DIS3: variants seen among roughly 807,000 people sequenced by gnomAD.
DIS3 encodes exosome complex exonuclease RRP44.
In DIS3, 103 loss-of-function variants were observed where a neutral mutation model predicts 113.0. That is an observed-to-expected ratio of 0.91 (90% CI 0.78 to 1.07). DIS3 has a LOEUF of 1.07. DIS3 is among the 50% of genes least tolerant of loss of function. The probability of loss-of-function intolerance (pLI) is 0.00; values close to 1 mark genes in which losing one functional copy is unlikely to be tolerated. For missense variants in DIS3, 1,121 were observed against 1,167.1 expected, an observed-to-expected ratio of 0.96 and a Z score of 0.58; for synonymous variants, 402 against 394.3, an observed-to-expected ratio of 1.02 and a Z score of -0.23.
At chr13:72,760,803 A>G in intron 19 of DIS3, 152 bp from the exon 20 acceptor site, 1 of 840,870 alleles carries the variant, frequency 1.2e-6, no homozygotes, top group Non-Finnish European at 1.8e-6. Flanking sequence ...CAAACCTAGT[A>G]GTCTCATATA....
intron 15 of DIS3, among the ~76,000 whole-genome samples, chr13:72,764,349 T>C (rs2033699772): frequency 6.6e-6 from 1 of 152,166 alleles, no homozygotes; most frequent in Non-Finnish European, 1.5e-5. Flanking sequence ...TTTTTAACAA[T>C]AAATTACTCA....
At position 72,763,449 on chromosome 13, in the gene DIS3, A is replaced by ACC; in HGVS notation, c.2127_2127+1dup. On this transcript the variant is annotated splice_donor_variant, in intron 16 of 20. Transcript: ENST00000377767. LOFTEE classifies it high-confidence loss of function. ...ATGATTTTTCAAACTGTAGGACCTT[A>ACC]CCCTTGACCTGGCTGCCTTAACAAG... 6.2e-7 allele frequency: 1 copy of ACC among 1,611,294 alleles called. No individual in the cohort carries two copies. Among genetic ancestry groups the ACC allele is most frequent in the Non-Finnish European group, 8.5e-7 (1 of 1,179,224 alleles).
intron 4 of DIS3, 28 bp from the exon 5 acceptor site, chr13:72,776,120 C>T (rs2034012677): frequency 6.4e-6 from 10 of 1,568,074 alleles, no homozygotes; most frequent in Middle Eastern, 1.7e-4. Flanking sequence ...CAAAAGATGC[C>T]GCTAATAAGT....
In DIS3 at chr13:72,753,740, A is replaced by G. The variant is rs756225392; in HGVS notation, c.*6055T>C. The G allele has an allele frequency of 2.5e-6, 4 of 1,613,616 alleles. No individual in the cohort carries two copies. The South Asian group carries it at 3.3e-5, about 13-fold the overall frequency. The stretch of plus-strand genomic sequence containing the variant: ...ATTGTGGAAGCAATATTATGGATAC[A>G]GTTGGGGCAGAAAGTTACTGCAAAG... On this transcript the variant is annotated 3_prime_UTR_variant, in exon 21 of 21. Coordinates refer to ENST00000377767, the MANE Select transcript of DIS3 (RefSeq NM_014953.5).
chr13:72,773,859 A>T, intron 7 of DIS3, 38 bp from the exon 8 acceptor site: 1 of 1,597,640 alleles, frequency 6.3e-7, no homozygotes, highest in Non-Finnish European at 8.5e-7. Flanking sequence ...ACACAAAAAA[A>T]ATCTGAGGAT....
rs371864555 is a variant in DIS3, at chr13:72,775,212, A to G, written c.986T>C (p.Met329Thr). Residue 329 changes from methionine to threonine, a missense_variant and splice_region_variant, in exon 6 of 21, where the codon ATG becomes ACG. By Grantham distance (81) the Met-to-Thr change is moderately conservative. Transcript: ENST00000377767. The part of the protein sequence containing the change: ...DVEKEEETER[M>T]LKTAVSEKML... ...AAAAAATCCTGCTTAGATTCATACCATTCGTTCTGTCTCTTCTTCTTTCTC... is the reference window on the plus strand; with the variant it reads ...AAAAAATCCTGCTTAGATTCATACCGTTCGTTCTGTCTCTTCTTCTTTCTC... 1,845 of 1,611,370 alleles carry G rather than the reference A, an allele frequency of 1.1e-3. 36 individuals carry two copies. In the South Asian group the frequency reaches 0.019, roughly 16 times the overall value.
Position 72,780,891 on chromosome 13 carries a change from T to C in DIS3, c.341A>G (p.Asn114Ser). 4 of 1,612,812 alleles carry C rather than the reference T, an allele frequency of 2.5e-6. No homozygotes were observed. The highest frequency in any genetic ancestry group is 3.4e-6 in the Non-Finnish European group (4 of 1,179,598). The stretch of plus-strand genomic sequence containing the variant: ...AGTATAGAAATGCTTCTCTTGGTTA[T>C]TAGTCACATCTCGGATGCGTTTATA... ...PVYKRIRDVT[N>S]NQEKHFYTFT... The change falls in exon 2 of 21, where the codon AAT (asparagine) becomes AGT (serine). Residue 114 changes from asparagine (N) to serine (S), a missense_variant. Transcript: ENST00000377767.
intron 5 of DIS3, 48 bp downstream of exon 5, chr13:72,775,877 A>C: frequency 6.9e-7 from 1 of 1,450,328 alleles, no homozygotes; most frequent in Non-Finnish European, 9.3e-7. Flanking sequence ...ATAATATATA[A>C]AATATCATCT....
In DIS3 at chr13:72,773,773, G is replaced by A. The variant is rs146500302; in HGVS notation, c.1150C>T (p.Arg384Cys). ...TPADKRIPRI[R>C]IETRQASTLE... The stretch of plus-strand genomic sequence containing the variant: ...GTGGAAGCCTGTCTGGTTTCTATGC[G>A]AATTCGAGGGATTCTCTTATCAGCA... The change falls in exon 8 of 21, where the codon CGC becomes TGC. Residue 384 changes from arginine (R) to cysteine (C), a missense_variant. Transcript: ENST00000377767. The A allele has an allele frequency of 6.6e-5, 107 of 1,613,808 alleles. No homozygotes were observed. The African/African-American group carries it at 8.5e-4, about 13-fold the overall frequency.
intron 2 of DIS3, 54 bp from the exon 3 acceptor site, chr13:72,778,434 T>A: frequency 6.9e-7 from 1 of 1,447,906 alleles, no homozygotes; most frequent in Non-Finnish European, 9.3e-7. Context: ...CAAGGATATG[T>A]GAAAACTCTT....
chr13:72,767,845 T>C (rs538578369), intron 14 of DIS3, among the ~76,000 whole-genome samples: 4 of 152,210 alleles, frequency 2.6e-5, no homozygotes, highest in Admixed American at 2.6e-4. Context: ...CTAGAGGGGC[T>C]TGGGAACTCT....
chr13:72,777,748 C>T (rs1042978566), intron 3 of DIS3, among the ~76,000 whole-genome samples: 3 of 151,066 alleles, frequency 2.0e-5, no homozygotes, highest in Admixed American at 6.6e-5. Flanking sequence ...CTACCATGCA[C>T]GGCTTTTTTT....
intron 8 of DIS3, 75 bp from the exon 9 acceptor site, chr13:72,772,914 A>G: frequency 6.9e-7 from 1 of 1,451,942 alleles, no homozygotes; most frequent in Non-Finnish European, 9.2e-7. Context: ...ATTCTTCAGC[A>G]TTTACATATC....
chr13:72,778,417 G>A, intron 2 of DIS3, 37 bp from the exon 3 acceptor site: 2 of 1,507,294 alleles, frequency 1.3e-6, no homozygotes, highest in Non-Finnish European at 1.8e-6. Flanking sequence ...AAGGAAATCA[G>A]TAGAAACAAG....
At chr13:72,778,119 A>C (rs2034064392) in intron 3 of DIS3, 68 bp downstream of exon 3, 1,668 of 1,090,494 alleles carry the variant, frequency 1.5e-3, no homozygotes, top group Non-Finnish European at 2.0e-3. Context: ...ACATCTGACT[A>C]TAGGCCTAAT....
intron 16 of DIS3, 54 bp from the exon 17 acceptor site, chr13:72,762,191 C>A: frequency 1.4e-6 from 2 of 1,416,570 alleles, no homozygotes; most frequent in East Asian, 4.8e-5. Flanking sequence ...AAGTCAGTAC[C>A]ATTATGTCTT....
chr13:72,772,201 G>A lies in DIS3; in HGVS notation c.1461C>T (p.Asp487=), dbSNP rs370382315. Residue 487 remains aspartate, a synonymous_variant, in exon 10 of 21, where the codon GAC becomes GAT. Transcript: ENST00000377767. ...CGAGTTCTCGACAATGTAGAGCATC[G>A]TCTATATCAGTACATCCTGGTGGGT... ...SVDPPGCTDI[D]DALHCRELEN... 29 of 1,613,188 alleles carry A rather than the reference G, an allele frequency of 1.8e-5. No homozygotes were observed. Among genetic ancestry groups the A allele is most frequent in the South Asian group, 3.3e-5 (3 of 91,038 alleles).
chr13:72,781,497 C>T, intron 1 of DIS3, 108 bp downstream of exon 1: 1 of 1,431,988 alleles, frequency 7.0e-7, no homozygotes, highest in South Asian at 1.5e-5. Flanking sequence ...TTCCCTTTCG[C>T]TAGGTATGTG....
At chr13:72,780,807 C>A in intron 2 of DIS3, 39 bp downstream of exon 2, 1 of 1,557,522 alleles carries the variant, frequency 6.4e-7, no homozygotes, top group Non-Finnish European at 8.7e-7. Flanking sequence ...TTTTGCTAAT[C>A]CTGTGGTTTT....
Sources: gnomAD v4.1 joint callset for allele counts (sites outside exome capture counted in the v4.1 genomes callset) on GRCh38, gnomAD v4.1.1 for gene constraint, MANE v1.5 for transcripts, NCBI Gene and HGNC (gene_info 2026-07-23, HGNC 2026-07-21) for gene names.